Variants in PCDH11X observed in about 807,000 individuals in gnomAD.
PCDH11X encodes the protein protocadherin-11 X-linked.
In PCDH11X, 18 loss-of-function variants were observed where a neutral mutation model predicts 53.3. That is an observed-to-expected ratio of 0.34 (90% CI 0.23 to 0.50). PCDH11X has a LOEUF of 0.50. Ranked by LOEUF, PCDH11X falls within the 20% of genes least tolerant of loss-of-function variation. The pLI is 0.98. For synonymous variants in PCDH11X, 279 were observed against 393.3 expected, an observed-to-expected ratio of 0.71 and a Z score of 3.44; for missense variants, 570 against 1,032.4, an observed-to-expected ratio of 0.55 and a Z score of 6.14.
chrX:92,387,856 A>G lies in PCDH11X; in HGVS notation c.3266A>G (p.Tyr1089Cys), dbSNP rs1271115518. 1.7e-6 allele frequency: 2 copies of G among 1,209,417 alleles called. No homozygotes were observed. The highest frequency in any genetic ancestry group is 2.2e-5 in the Admixed American group (1 of 45,636). ...ACATCTCATGGCCTGCCCCTTGGCT[A>G]TCCTCAGGAGGAGTACTTTGATCGT... is the stretch of plus-strand genomic sequence containing the variant. Reference protein sequence around the residue: ...TSTSHGLPLGYPQEEYFDRAT... With the variant: ...TSTSHGLPLGCPQEEYFDRAT... Residue 1089 changes from tyrosine (Y) to cysteine (C), a missense_variant, in exon 9 of 11, where the codon TAT becomes TGT. Transcript: ENST00000682573.
At chrX:92,253,631 G>T (rs971174553) in intron 7 of PCDH11X, among the ~76,000 whole-genome samples, 3 of 111,192 alleles carry the variant, frequency 2.7e-5, no homozygotes, top group African/African-American at 9.8e-5. Context: ...GTGTTTTATA[G>T]CTTTTATTAT....
intron 10 of PCDH11X, among the ~76,000 whole-genome samples, chrX:92,486,369 A>T (rs1286924108): frequency 9.0e-6 from 1 of 111,300 alleles, no homozygotes; most frequent in Non-Finnish European, 1.9e-5. Flanking sequence ...AATAGTTTTG[A>T]TTTTTTCATC....
chrX:92,443,892 C>T (rs2072570138), intron 9 of PCDH11X, among the ~76,000 whole-genome samples: 1 of 111,503 alleles, frequency 9.0e-6, no homozygotes, highest in Non-Finnish European at 1.9e-5. Context: ...GTCTACATGA[C>T]TGTTTTTGTA....
intron 8 of PCDH11X, among the ~76,000 whole-genome samples, chrX:92,268,453 A>C (rs2067880789): frequency 9.0e-6 from 1 of 110,993 alleles, no homozygotes; most frequent in South Asian, 3.8e-4. Context: ...CACCACGCCC[A>C]ACAATTTTTT....
intron 6 of PCDH11X, among the ~76,000 whole-genome samples, chrX:92,107,326 TA>T (rs1203612138): frequency 1.8e-5 from 2 of 112,204 alleles, no homozygotes; most frequent in African/African-American, 6.5e-5. Context: ...CTTGGCAAAA[TA>T]AACATTCTAA....
At chrX:92,433,605 T>C (rs1569485878) in intron 9 of PCDH11X, among the ~76,000 whole-genome samples, 1 of 109,388 alleles carries the variant, frequency 9.1e-6, no homozygotes, top group Non-Finnish European at 1.9e-5. Flanking sequence ...GGACTTGTAA[T>C]TGATTACAAA....
At chrX:92,265,366 G>C (rs886870841) in intron 8 of PCDH11X, among the ~76,000 whole-genome samples, 1 of 111,100 alleles carries the variant, frequency 9.0e-6, no homozygotes, top group Non-Finnish European at 1.9e-5. Context: ...GCTCAGGTTT[G>C]ATGTCAAGCC....
intron 6 of PCDH11X, among the ~76,000 whole-genome samples, chrX:92,038,640 G>T (rs1386845965): frequency 1.8e-5 from 2 of 110,172 alleles, no homozygotes; most frequent in Admixed American, 1.9e-4. Context: ...GATTTGGGAA[G>T]GGCCAGGGGT....
chrX:91,824,905 C>T (rs1334363785), intron 4 of PCDH11X, among the ~76,000 whole-genome samples: 2 of 107,184 alleles, frequency 1.9e-5, no homozygotes, highest in Admixed American at 1.9e-4. Flanking sequence ...ACAGGACCCT[C>T]AGCTGCAGGT....
chrX:91,946,070 C>T (rs755631560), intron 6 of PCDH11X, among the ~76,000 whole-genome samples: 1 of 109,171 alleles, frequency 9.2e-6, no homozygotes, highest in South Asian at 4.0e-4. Flanking sequence ...CGTGGTGAAA[C>T]GGAATACTCA....
intron 6 of PCDH11X, among the ~76,000 whole-genome samples, chrX:91,966,588 A>G (rs2061867073): frequency 9.1e-6 from 1 of 110,111 alleles, no homozygotes; most frequent in African/African-American, 3.3e-5. Flanking sequence ...CGGCACATGT[A>G]TACCTATGTA....
chrX:91,982,636 A>G, intron 6 of PCDH11X: 1 of 1,126,578 alleles, frequency 8.9e-7, no homozygotes, highest in Non-Finnish European at 1.2e-6. Context: ...AAATTAAACA[A>G]TTGTAGAGTA....
intron 6 of PCDH11X, among the ~76,000 whole-genome samples, chrX:92,151,837 T>G (rs1269574392): frequency 4.5e-5 from 5 of 111,103 alleles, no homozygotes; most frequent in African/African-American, 1.6e-4. Flanking sequence ...TGTAATTATT[T>G]CTCTGTAAAC....
chrX:92,097,485 C>T (rs1475129773), intron 6 of PCDH11X, among the ~76,000 whole-genome samples: 1 of 110,237 alleles, frequency 9.1e-6, no homozygotes, highest in African/African-American at 3.3e-5. Context: ...ACACCATTCC[C>T]CCAACACGAA....
intron 9 of PCDH11X, among the ~76,000 whole-genome samples, chrX:92,410,803 A>G (rs2071628291): frequency 1.0e-5 from 1 of 96,074 alleles, no homozygotes; most frequent in African/African-American, 4.9e-5. Flanking sequence ...GAGAATTTGT[A>G]TAAGTAGTAA....
At chrX:92,063,171 A>G (rs1450211867) in intron 6 of PCDH11X, among the ~76,000 whole-genome samples, 1 of 101,193 alleles carries the variant, frequency 9.9e-6, no homozygotes, top group African/African-American at 3.6e-5. Context: ...GGAGGGGAAC[A>G]TCACACACCA....
At chrX:91,875,159 T>C (rs1160540561) in intron 5 of PCDH11X, among the ~76,000 whole-genome samples, 3 of 110,950 alleles carry the variant, frequency 2.7e-5, no homozygotes, top group Non-Finnish European at 5.7e-5. Flanking sequence ...CATTCATCTC[T>C]GTCATAATGC....
intron 9 of PCDH11X, among the ~76,000 whole-genome samples, chrX:92,396,276 T>C (rs758581765): frequency 9.5e-6 from 1 of 105,076 alleles, no homozygotes; most frequent in African/African-American, 3.5e-5. Flanking sequence ...ACGCAGAATA[T>C]GTGAATATAT....
At chrX:92,007,056 C>G (rs1478925656) in intron 6 of PCDH11X, among the ~76,000 whole-genome samples, 3 of 110,918 alleles carry the variant, frequency 2.7e-5, no homozygotes, top group Admixed American at 1.9e-4. Context: ...TGGGTCACAC[C>G]TGAAGCCAGC....
Sources: gnomAD v4.1 joint callset for allele counts (sites outside exome capture counted in the v4.1 genomes callset) on GRCh38, gnomAD v4.1.1 for gene constraint, MANE v1.5 for transcripts, NCBI Gene and HGNC (gene_info 2026-07-23, HGNC 2026-07-21) for gene names.